Variants in CYGB observed in about 807,000 individuals in gnomAD.
CYGB encodes histoglobin.
Under a neutral mutation model 20.7 loss-of-function variants are expected in CYGB, and 13 were observed. The observed-to-expected ratio is 0.63, with a 90% CI of 0.41 to 1.00. CYGB has a LOEUF of 1.00. Ranked by LOEUF, CYGB falls within the 50% of genes least tolerant of loss-of-function variation. CYGB has a pLI of 0.00. For synonymous variants in CYGB, 93 were observed against 107.4 expected, an observed-to-expected ratio of 0.87 and a Z score of 0.83; for missense variants, 218 against 257.2, an observed-to-expected ratio of 0.85 and a Z score of 1.04.
intron 1 of CYGB, among the ~76,000 whole-genome samples, chr17:76,547,710 CACAG>C (rs961376754): frequency 1.7e-4 from 26 of 150,790 alleles, no homozygotes; most frequent in African/African-American, 5.9e-4. Flanking sequence ...GACACACACA[CACAG>C]AGACACATAC....
At chr17:76,548,253 C>T (rs2075075297) in intron 1 of CYGB, among the ~76,000 whole-genome samples, 1 of 152,146 alleles carries the variant, frequency 6.6e-6, no homozygotes, top group Non-Finnish European at 1.5e-5. Context: ...CACACAGTCA[C>T]ACACACAGAT....
intron 1 of CYGB, chr17:76,550,159 T>C (rs1452406301): frequency 6.6e-6 from 1 of 151,820 alleles, no homozygotes; most frequent in African/African-American, 2.4e-5. Context: ...TTTCATCATA[T>C]TGGCCAGGCT....
intron 1 of CYGB, chr17:76,543,179 G>A (rs981944842): frequency 6.6e-6 from 3 of 454,410 alleles, no homozygotes; most frequent in East Asian, 7.0e-5. Context: ...CAGGCCCTGG[G>A]TGTGGGCTCC....
At chr17:76,535,341 G>A (rs778395428) in intron 1 of CYGB, among the ~76,000 whole-genome samples, 2 of 152,180 alleles carry the variant, frequency 1.3e-5, no homozygotes, top group Non-Finnish European at 2.9e-5. Context: ...TGTATGTTGT[G>A]TGTGGGAAGA....
upstream of CYGB, chr17:76,540,539 A>G (rs368314608): frequency 6.2e-7 from 1 of 1,613,368 alleles, no homozygotes; most frequent in African/African-American, 1.3e-5. This position sits in a 1 kb window ranked among gnomAD's most constrained non-coding sequence, Gnocchi z 5.0. Flanking sequence ...AGCTAGGGGC[A>G]GCAGCTTGGA....
At chr17:76,542,212 G>C (rs1227648888), upstream of CYGB, among the ~76,000 whole-genome samples, 1 of 152,174 alleles carries the variant, frequency 6.6e-6, no homozygotes. Flanking sequence ...TGGCAGGAGA[G>C]AAAAGGCCAA....
At chr17:76,540,258 G>T (rs747650092), upstream of CYGB, 13 of 1,100,858 alleles carry the variant, frequency 1.2e-5, 2 homozygotes, top group Non-Finnish European at 1.8e-5. This position sits in a 1 kb window ranked among gnomAD's most constrained non-coding sequence, Gnocchi z 5.0. Context: ...GGTCGGGGGG[G>T]GGGGGCATGG....
intron 1 of CYGB, among the ~76,000 whole-genome samples, chr17:76,548,242 A>G (rs942643785): frequency 6.6e-6 from 1 of 151,452 alleles, no homozygotes; most frequent in Non-Finnish European, 1.5e-5. Context: ...GCATACACAT[A>G]CACACAGTCA....
chr17:76,541,444 GTCTCTT>G (rs1403818642), upstream of CYGB, among the ~76,000 whole-genome samples: 1 of 152,176 alleles, frequency 6.6e-6, no homozygotes, highest in Non-Finnish European at 1.5e-5. Flanking sequence ...GACCATCCAT[GTCTCTT>G]TCTGAGTGGG....
In CYGB at chr17:76,527,638, G is replaced by C. The variant is rs180761380; in HGVS notation, c.*940C>G. On this transcript the variant is annotated 3_prime_UTR_variant, in exon 4 of 4. Coordinates refer to ENST00000293230, the MANE Select transcript of CYGB (RefSeq NM_134268.5). ...GGAGGGTGGGGTGGGGAAAGCCCTC[G>C]GCCCTCGGAGCTGAGGGTGAGACCC... 1 of 453,682 alleles carries C rather than the reference G, an allele frequency of 2.2e-6. No homozygotes were observed. Among genetic ancestry groups the C allele is most frequent in the African/African-American group, 2.0e-5 (1 of 49,944 alleles). 28.1% of individuals were successfully genotyped at this position (453,682 alleles called of 1,614,324 possible). A position where few individuals can be genotyped will look rare whatever the true frequency, so the allele number is the denominator to read the frequency against.
chr17:76,536,717 G>A (rs774438718), intron 1 of CYGB, among the ~76,000 whole-genome samples: 1 of 152,094 alleles, frequency 6.6e-6, no homozygotes, highest in African/African-American at 2.4e-5. Flanking sequence ...GGAGGTTTTA[G>A]GGTTAGGCCC....
intron 3 of CYGB, chr17:76,529,336 T>A: frequency 1.0e-6 from 1 of 985,406 alleles, no homozygotes; most frequent in Non-Finnish European, 1.2e-6. Context: ...GGTGCCAGTT[T>A]CCACGGTAGC....
upstream of CYGB, chr17:76,540,714 T>C (rs2143147040): frequency 2.5e-6 from 2 of 814,012 alleles, no homozygotes; most frequent in East Asian, 2.7e-5. The surrounding 1 kb of genome is among the most constrained non-coding windows in gnomAD (Gnocchi z 5.0). Flanking sequence ...CCCTGCTCCC[T>C]GTCCGCCTGC....
rs2074834011 is a variant in CYGB, at chr17:76,531,113, G to T, written c.405C>A (p.Val135=). 1 of 1,613,720 alleles carries T rather than the reference G, an allele frequency of 6.2e-7. No homozygotes were observed. The highest frequency in any genetic ancestry group is 1.1e-5 in the South Asian group (1 of 91,062). Residue 135 remains valine, a synonymous_variant, in exon 3 of 4, where the codon GTC becomes GTA. Transcript: ENST00000293230. The surrounding 1 kb of genome is among the most constrained non-coding windows in gnomAD (Gnocchi z 7.4). ...GGAAGTCACTGGCAAATTCCTCGGC[G>T]ACCACCTCCAGAATGACCCCAGAGA... ...KILSGVILEV[V]AEEFASDFPP...
intron 1 of CYGB, chr17:76,544,963 G>A (rs111981455): frequency 2.6e-5 from 12 of 456,574 alleles, no homozygotes; most frequent in Middle Eastern, 3.2e-4. Context: ...GAGGAAGGGC[G>A]GGAAAAAGAG....
rs2074869111 is a variant in CYGB at position 76,533,211 on chromosome 17, C to T, written c.144-1520G>A. Among the ~76,000 whole-genome samples the T allele has an allele frequency of 6.6e-6, 1 of 152,146 alleles. No individual in the cohort carries two copies. Among genetic ancestry groups the T allele is most frequent in the Admixed American group, 6.5e-5 (1 of 15,268 alleles). On this transcript the variant is annotated intron_variant, in intron 1 of 3. Transcript: ENST00000293230. The surrounding 1 kb of genome is among the most constrained non-coding windows in gnomAD (Gnocchi z 4.5). The stretch of plus-strand genomic sequence containing the variant: ...GGCCCCTCTCAGAGGCCAACTGTGA[C>T]CTTGGGCAAACCGCTTCACAAGCTC...
chr17:76,534,319 CA>C (rs2074890099), intron 1 of CYGB, among the ~76,000 whole-genome samples: 1 of 152,076 alleles, frequency 6.6e-6, no homozygotes, highest in African/African-American at 2.4e-5. Context: ...GCTGGGATTA[CA>C]GGTGCCCGCC....
Position 76,544,334 on chromosome 17 carries a change from G to A in CYGB, c.-53+6528C>T, listed in dbSNP as rs901996843. ...GAGTTCTCTAGACAGCAGCACTTCAGCCGCCACTCTGCCTCTGAAGGGAAG... is the reference window on the plus strand; with the variant it reads ...GAGTTCTCTAGACAGCAGCACTTCAACCGCCACTCTGCCTCTGAAGGGAAG... On this transcript the variant is annotated intron_variant, in intron 1 of 3. Transcript: ENST00000589145. 34 of 454,386 alleles carry A rather than the reference G, an allele frequency of 7.5e-5. 1 individual carries two copies. The highest frequency in any genetic ancestry group is 1.4e-4 in the Non-Finnish European group (32 of 226,846). 28.1% of individuals were successfully genotyped at this position (454,386 alleles called of 1,614,324 possible).
chr17:76,541,003 T>A (rs1028998710), upstream of CYGB, among the ~76,000 whole-genome samples: 2 of 152,138 alleles, frequency 1.3e-5, no homozygotes, highest in Non-Finnish European at 1.5e-5. Context: ...CAGTCCCCAA[T>A]AGAAGGCGCG....
Sources: gnomAD v4.1 joint callset for allele counts (sites outside exome capture counted in the v4.1 genomes callset) on GRCh38, gnomAD v4.1.1 for gene constraint, Gnocchi (gnomAD v3.1) non-coding constraint, MANE v1.5 for transcripts, NCBI Gene and HGNC (gene_info 2026-07-23, HGNC 2026-07-21) for gene names.